SLC39A8: variants seen among roughly 807,000 people sequenced by gnomAD.
SLC39A8 encodes the protein solute carrier family 39 member 8, also known as metal cation symporter ZIP8.
In SLC39A8, 15 loss-of-function variants were observed where a neutral mutation model predicts 40.4. The observed-to-expected ratio is 0.37, with a 90% CI of 0.25 to 0.57. The LOEUF is 0.57. Among genes scored for constraint, SLC39A8 ranks in the 20% least tolerant of loss-of-function variants. The pLI is 0.75. For synonymous variants in SLC39A8, 223 were observed against 221.6 expected (o/e 1.01, Z -0.06); for missense variants, 472 against 558.8 (o/e 0.84, Z 1.57).
At chr4:102,290,931 A>C (rs940308334) in intron 6 of SLC39A8, among the ~76,000 whole-genome samples, 12 of 152,112 alleles carry the variant, frequency 7.9e-5, no homozygotes, top group Middle Eastern at 3.4e-3. Flanking sequence ...CATTGTGAAC[A>C]GCTCCACTTG....
downstream of SLC39A8, among the ~76,000 whole-genome samples, chr4:102,256,717 T>A (rs1400890296): frequency 6.6e-6 from 1 of 152,154 alleles, no homozygotes; most frequent in Non-Finnish European, 1.5e-5. Context: ...GTGTATTCCT[T>A]CTCCTGCCAA....
intron 6 of SLC39A8, among the ~76,000 whole-genome samples, chr4:102,303,959 A>C (rs67529886): frequency 6.6e-6 from 1 of 151,792 alleles, no homozygotes; most frequent in Non-Finnish European, 1.5e-5. Context: ...TTCAAAATCA[A>C]TCAAAGGATT....
exon 12 of SLC39A8, chr4:102,252,896 C>T (rs1731624636): frequency 1.3e-5 from 2 of 151,602 alleles, no homozygotes; most frequent in East Asian, 1.9e-4. Context: ...AGAATTCATT[C>T]CATACCTCTC....
chr4:102,284,472 C>T (rs1733064066), intron 6 of SLC39A8, among the ~76,000 whole-genome samples: 1 of 152,120 alleles, frequency 6.6e-6, no homozygotes, highest in Non-Finnish European at 1.5e-5. Context: ...TGGCACTTGG[C>T]AGGTGATCAC....
intron 2 of SLC39A8, among the ~76,000 whole-genome samples, chr4:102,337,127 G>A (rs990162134): frequency 2.6e-5 from 4 of 151,102 alleles, no homozygotes; most frequent in African/African-American, 9.7e-5. Context: ...TTCTTTTCCT[G>A]AGGATCACTG....
chr4:102,306,753 T>A (rs1258515253), intron 4 of SLC39A8, among the ~76,000 whole-genome samples: 1 of 152,080 alleles, frequency 6.6e-6, no homozygotes, highest in Non-Finnish European at 1.5e-5. Flanking sequence ...TCTTCAACAT[T>A]GCCTCTCTTT....
chr4:102,344,585 C>T lies in SLC39A8; in HGVS notation c.78G>A (p.Gly26=), dbSNP rs1012019255. Residue 26 remains glycine (G), a synonymous_variant, in exon 2 of 9, where the codon GGG becomes GGA. Coordinates refer to ENST00000356736, the MANE Select transcript of SLC39A8 (RefSeq NM_001135146.2). ...TCAGCACATCCTCGCTGAAGGCTAG[C>T]CCTGGCCCCTCCGCCACTCCTCCGA... is the stretch of plus-strand genomic sequence containing the variant. ...AGLGGVAEGP[G]LAFSEDVLSV... The T allele has an allele frequency of 2.4e-5, 37 of 1,546,618 alleles. No individual in the cohort carries two copies. Among genetic ancestry groups the T allele is most frequent in the Admixed American group, 1.4e-4 (7 of 50,696 alleles).
Position 102,263,207 on chromosome 4 carries a change from A to T in SLC39A8, c.1234-14T>A. 1.2e-6 allele frequency: 2 copies of T among 1,609,894 alleles called. No homozygotes were observed. Among genetic ancestry groups the T allele is most frequent in the Non-Finnish European group, 1.7e-6 (2 of 1,177,044 alleles). ...CATCTCTGGAAACTAGAAGACAGAT[A>T]TATTGTTAGATAACTGTTGCCATCT... On this transcript the variant is annotated splice_polypyrimidine_tract_variant and intron_variant, in intron 8 of 8. Transcript: ENST00000356736.
At chr4:102,320,179 A>G (rs1274818204) in intron 2 of SLC39A8, among the ~76,000 whole-genome samples, 3 of 99,802 alleles carry the variant, frequency 3.0e-5, no homozygotes, top group South Asian at 3.7e-4. Flanking sequence ...ATATATATAT[A>G]TATATATATA....
chr4:102,335,118 C>G (rs1198208449), intron 2 of SLC39A8, among the ~76,000 whole-genome samples: 2 of 152,054 alleles, frequency 1.3e-5, no homozygotes, highest in Admixed American at 6.6e-5. Context: ...GTGAAGTAAC[C>G]GAATAATATA....
At chr4:102,307,313 A>T (rs1350915261) in intron 4 of SLC39A8, 123 bp downstream of exon 4, 1 of 1,162,754 alleles carries the variant, frequency 8.6e-7, no homozygotes, top group African/African-American at 1.6e-5. Flanking sequence ...GCTTTCTCTT[A>T]TCCAAGACAC....
At chr4:102,327,068 G>A (rs1450353421) in intron 2 of SLC39A8, among the ~76,000 whole-genome samples, 5 of 152,256 alleles carry the variant, frequency 3.3e-5, no homozygotes, top group African/African-American at 1.2e-4. Context: ...GATCACTTAA[G>A]CCCAGGAGTT....
intron 2 of SLC39A8, among the ~76,000 whole-genome samples, chr4:102,337,458 T>C (rs551483567): frequency 2.0e-4 from 31 of 152,086 alleles, no homozygotes; most frequent in Middle Eastern, 3.4e-3. Context: ...GAGAGAAAGA[T>C]CTATCCCAAT....
chr4:102,326,915 T>C (rs1735227751), intron 2 of SLC39A8, among the ~76,000 whole-genome samples: 1 of 152,164 alleles, frequency 6.6e-6, no homozygotes, highest in Non-Finnish European at 1.5e-5. Context: ...CCCATCAGCA[T>C]GTCCTTCTTC....
intron 6 of SLC39A8, among the ~76,000 whole-genome samples, chr4:102,295,696 C>T (rs1399519155): frequency 6.6e-6 from 1 of 151,930 alleles, no homozygotes; most frequent in Non-Finnish European, 1.5e-5. Context: ...GTGCCTGGCC[C>T]AATGTTTGTT....
chr4:102,315,544 T>A, intron 3 of SLC39A8, 124 bp downstream of exon 3: 2 of 706,742 alleles, frequency 2.8e-6, no homozygotes, highest in Non-Finnish European at 4.2e-6. Context: ...AATATAAGTA[T>A]TATTCGAAGA....
At chr4:102,285,630 T>G (rs1190315646) in intron 6 of SLC39A8, among the ~76,000 whole-genome samples, 2 of 149,518 alleles carry the variant, frequency 1.3e-5, no homozygotes, top group African/African-American at 5.0e-5. Flanking sequence ...TAGATGAGGG[T>G]GTGTGTGTGT....
At chr4:102,308,506 A>C (rs1252591080) in intron 3 of SLC39A8, among the ~76,000 whole-genome samples, 1 of 152,088 alleles carries the variant, frequency 6.6e-6, no homozygotes, top group Non-Finnish European at 1.5e-5. Flanking sequence ...TCTATCTTAA[A>C]GGGGCTGGTG....
intron 6 of SLC39A8, among the ~76,000 whole-genome samples, chr4:102,277,189 T>C (rs1379206716): frequency 2.6e-5 from 4 of 151,914 alleles, no homozygotes; most frequent in Non-Finnish European, 5.9e-5. Context: ...GGAAAAGAGG[T>C]AGTCAAATTA....
Sources: allele counts gnomAD v4.1 joint callset (sites outside exome capture counted in the v4.1 genomes callset), GRCh38; gene constraint gnomAD v4.1.1; transcripts MANE v1.5; gene names NCBI Gene and HGNC (gene_info 2026-07-23, HGNC 2026-07-21).